Variants in TMEM132E observed in about 807,000 individuals in gnomAD.
TMEM132E encodes the protein transmembrane protein 132E.
Under a neutral mutation model 78.5 loss-of-function variants are expected in TMEM132E, and 49 were observed. The ratio of observed to expected loss-of-function variants is 0.62; its 90% CI spans 0.50 to 0.79. TMEM132E has a LOEUF of 0.79. Ranked by LOEUF, TMEM132E falls within the 30% of genes least tolerant of loss-of-function variation. The probability of loss-of-function intolerance (pLI) is 0.00; values close to 1 mark genes in which losing one functional copy is unlikely to be tolerated. For missense variants in TMEM132E, 1,403 were observed against 1,470.9 expected, an observed-to-expected ratio of 0.95 and a Z score of 0.75; for synonymous variants, 715 against 670.6, an observed-to-expected ratio of 1.07 and a Z score of -1.02.
rs568337068 is a variant in TMEM132E at position 34,626,813 on chromosome 17, G to C, written c.754G>C (p.Ala252Pro). Reference sequence around the variant, plus strand: ...GGGCTGCGGGGGCTCCCGCCGGGGGGCCGGGCCCGGGGTGGGGGCCCGAGC... The same window carrying C: ...GGGCTGCGGGGGCTCCCGCCGGGGGCCCGGGCCCGGGGTGGGGGCCCGAGC... The part of the protein sequence containing the change: ...SGGCGGSRRG[A>P]GPGVGARAES... Residue 252 changes from alanine (A) to proline (P), a missense_variant, in exon 2 of 9, where the codon GCC becomes CCC. Coordinates refer to ENST00000631683, the MANE Select transcript of TMEM132E (RefSeq NM_001304438.2). 2.0e-5 allele frequency: 31 copies of C among 1,531,786 alleles called. No homozygotes were observed. The highest frequency in any genetic ancestry group is 2.7e-5 in the Non-Finnish European group (31 of 1,143,592). The allele number at this position is 1,531,786 out of a possible 1,614,324, so 94.9% of individuals were successfully genotyped here. A position where few individuals can be genotyped will look rare whatever the true frequency, so the allele number is the denominator to read the frequency against.
chr17:34,613,940 G>A (rs987865114), intron 1 of TMEM132E, among the ~76,000 whole-genome samples: 2 of 152,190 alleles, frequency 1.3e-5, no homozygotes, highest in African/African-American at 4.8e-5. Context: ...CTGAGGACTA[G>A]GCTGGCAAAG....
chr17:34,610,379 C>T (rs1906549219), intron 1 of TMEM132E, among the ~76,000 whole-genome samples: 1 of 152,188 alleles, frequency 6.6e-6, no homozygotes, highest in African/African-American at 2.4e-5. Flanking sequence ...GGCAGTCAGG[C>T]TGCATGGTGA....
rs1907177094 is a variant in TMEM132E, at chr17:34,627,120, T to C, written c.998+63T>C. 4.7e-6 allele frequency: 7 copies of C among 1,493,588 alleles called. 1 individual carries two copies. Among genetic ancestry groups the C allele is most frequent in the Non-Finnish European group, 2.8e-6 (3 of 1,082,704 alleles). 92.5% of individuals were successfully genotyped at this position (1,493,588 alleles called of 1,614,324 possible). A position where few individuals can be genotyped will look rare whatever the true frequency, so the allele number is the denominator to read the frequency against. On this transcript the variant is annotated intron_variant, in intron 2 of 8. Transcript: ENST00000631683. ...CAAGATCAAATGCATACCTGACTCCTTGTGGGTGGGTTGGGGGGTGGGGGG... is the reference window on the plus strand; with the variant it reads ...CAAGATCAAATGCATACCTGACTCCCTGTGGGTGGGTTGGGGGGTGGGGGG...
At chr17:34,630,308 C>A (rs1437409496) in intron 5 of TMEM132E, among the ~76,000 whole-genome samples, 157 bp downstream of exon 5, 6 of 152,110 alleles carry the variant, frequency 3.9e-5, no homozygotes, top group African/African-American at 1.4e-4. Flanking sequence ...AGCAGCTGCC[C>A]CCACCTTTTC....
chr17:34,619,515 A>T (rs1442186612), intron 1 of TMEM132E, among the ~76,000 whole-genome samples: 1 of 144,422 alleles, frequency 6.9e-6, no homozygotes, highest in East Asian at 2.1e-4. Flanking sequence ...CGTAGATTTG[A>T]TAAAAAAGGT....
chr17:34,598,420 T>C (rs1040480266), intron 1 of TMEM132E, among the ~76,000 whole-genome samples: 1 of 152,164 alleles, frequency 6.6e-6, no homozygotes, highest in African/African-American at 2.4e-5. Context: ...CTCTGCTTTC[T>C]GGTGGGGGTG....
In TMEM132E at chr17:34,621,731, C is replaced by T. The variant is rs1163743569; in HGVS notation, c.68-4396C>T. On this transcript the variant is annotated intron_variant, in intron 1 of 8. Coordinates refer to ENST00000631683, the MANE Select transcript of TMEM132E (RefSeq NM_001304438.2). Reference sequence around the variant, plus strand: ...TCAAAACAGAACTGCAGCCTGGGGGCCCAGTGGAGCCAGGGTTCAGAACCA... The same window carrying T: ...TCAAAACAGAACTGCAGCCTGGGGGTCCAGTGGAGCCAGGGTTCAGAACCA... 2.0e-5 allele frequency among the ~76,000 whole-genome samples: 3 copies of T among 152,222 alleles called. No homozygotes were observed. The East Asian group carries it at 5.8e-4, about 29-fold the overall frequency.
chr17:34,609,704 T>C (rs757301564), intron 1 of TMEM132E, among the ~76,000 whole-genome samples: 16 of 152,188 alleles, frequency 1.1e-4, no homozygotes, highest in Non-Finnish European at 1.6e-4. Context: ...GGGCAAACTT[T>C]TACAAGTATA....
At chr17:34,581,926 G>T (rs965746406) in intron 1 of TMEM132E, among the ~76,000 whole-genome samples, 51 of 152,230 alleles carry the variant, frequency 3.4e-4, no homozygotes, top group East Asian at 1.4e-3. Flanking sequence ...ACGGGTGGGG[G>T]GCAGCGGGTT....
chr17:34,636,282 A>C, intron 8 of TMEM132E, 84 bp downstream of exon 8: 1 of 1,282,320 alleles, frequency 7.8e-7, no homozygotes, highest in Non-Finnish European at 1.0e-6. Flanking sequence ...TAGCACCAAG[A>C]GTCCCCATAT....
In TMEM132E at chr17:34,625,989, G is replaced by A. The variant is rs199976001; in HGVS notation, c.68-138G>A. On this transcript the variant is annotated intron_variant, in intron 1 of 8. Transcript: ENST00000631683. Reference sequence around the variant, plus strand: ...CAGGGTTGGGGCCCACCGGAGGATGGACAGCCAGGCTGAACCTGCCCAGCT... The same window carrying A: ...CAGGGTTGGGGCCCACCGGAGGATGAACAGCCAGGCTGAACCTGCCCAGCT... The A allele has an allele frequency of 1.0e-5, 8 of 800,316 alleles. No homozygotes were observed. In the East Asian group the frequency reaches 2.0e-4, roughly 20 times the overall value. The allele number at this position is 800,316 out of a possible 1,614,324, so 49.6% of individuals were successfully genotyped here. A position where few individuals can be genotyped will look rare whatever the true frequency, so the allele number is the denominator to read the frequency against.
Position 34,580,498 on chromosome 17 carries a change from C to A in TMEM132E, c.-579C>A, listed in dbSNP as rs960844920. On this transcript the variant is annotated 5_prime_UTR_variant, in exon 1 of 9. Transcript: ENST00000631683. Reference sequence around the variant, plus strand: ...GTTTCAGCACCGCACGGAAACTTTTCCTTCTCCAGATGGATTAAAGTTGTC... The same window carrying A: ...GTTTCAGCACCGCACGGAAACTTTTACTTCTCCAGATGGATTAAAGTTGTC... 3 of 152,306 alleles carry A rather than the reference C, an allele frequency of 2.0e-5. No individual in the cohort carries two copies. The highest frequency in any genetic ancestry group is 7.2e-5 in the African/African-American group (3 of 41,480). The allele number at this position is 152,306 out of a possible 1,614,324, so 9.4% of individuals were successfully genotyped here.
intron 1 of TMEM132E, among the ~76,000 whole-genome samples, chr17:34,586,030 G>A (rs536766072): frequency 6.6e-6 from 1 of 152,240 alleles, no homozygotes; most frequent in African/African-American, 2.4e-5. Context: ...ATGTGAGGGG[G>A]CGGTGCCCTC....
intron 1 of TMEM132E, among the ~76,000 whole-genome samples, chr17:34,619,720 G>A (rs1475674515): frequency 1.3e-5 from 2 of 152,222 alleles, no homozygotes; most frequent in Admixed American, 6.5e-5. Flanking sequence ...GTGGATACCA[G>A]GCCTGTCCCC....
intron 1 of TMEM132E, among the ~76,000 whole-genome samples, chr17:34,618,669 C>A (rs1286579982): frequency 6.6e-6 from 1 of 152,118 alleles, no homozygotes; most frequent in Non-Finnish European, 1.5e-5. Context: ...CCTAGTTCAC[C>A]CTCCACTAGG....
chr17:34,603,447 T>C (rs1274521521), intron 1 of TMEM132E, among the ~76,000 whole-genome samples: 1 of 152,180 alleles, frequency 6.6e-6, no homozygotes, highest in East Asian at 1.9e-4. Flanking sequence ...GGCTAGAGTA[T>C]GACTCCCAGG....
intron 1 of TMEM132E, among the ~76,000 whole-genome samples, chr17:34,605,211 C>T (rs958253393): frequency 1.3e-5 from 2 of 152,180 alleles, no homozygotes; most frequent in Non-Finnish European, 2.9e-5. Flanking sequence ...TACTGTCGCA[C>T]GGGCTGTTGG....
intron 1 of TMEM132E, among the ~76,000 whole-genome samples, chr17:34,588,802 G>T (rs566811855): frequency 1.3e-5 from 2 of 152,210 alleles, no homozygotes; most frequent in African/African-American, 4.8e-5. Flanking sequence ...CACCCAGGCT[G>T]GAGTGCAGTG....
intron 1 of TMEM132E, among the ~76,000 whole-genome samples, chr17:34,613,221 G>GCGCA (rs1906667198): frequency 2.8e-5 from 4 of 144,350 alleles, no homozygotes; most frequent in African/African-American, 9.8e-5. Flanking sequence ...ACGCGCGCGC[G>GCGCA]CGCGCGTTCT....
Sources: gnomAD v4.1 joint callset for allele counts (sites outside exome capture counted in the v4.1 genomes callset) on GRCh38, gnomAD v4.1.1 for gene constraint, MANE v1.5 for transcripts, NCBI Gene and HGNC (gene_info 2026-07-23, HGNC 2026-07-21) for gene names.